The following PTPRS variants were observed in gnomAD, a reference collection of about 807,000 sequenced individuals.
PTPRS encodes protein tyrosine phosphatase receptor type S.
In PTPRS, 63 loss-of-function variants were observed where a neutral mutation model predicts 215.3. The ratio of observed to expected loss-of-function variants is 0.29; its 90% CI spans 0.24 to 0.36. The LOEUF is 0.36. Among genes scored for constraint, PTPRS ranks in the 10% least tolerant of loss-of-function variants. PTPRS has a pLI of 1.00. For synonymous variants in PTPRS, 1,404 were observed against 1,191.4 expected, an observed-to-expected ratio of 1.18 and a Z score of -3.68; for missense variants, 2,258 against 2,825.8, an observed-to-expected ratio of 0.80 and a Z score of 4.56.
At chr19:5,277,873 A>C in intron 2 of PTPRS, 1 of 975,856 alleles carries the variant, frequency 1.0e-6, no homozygotes, top group Non-Finnish European at 1.6e-6. Context: ...CAGGGTTCGC[A>C]GAACGTTCAA....
chr19:5,219,102 G>A, intron 23 of PTPRS: 1 of 707,844 alleles, frequency 1.4e-6, no homozygotes, highest in Non-Finnish European at 2.3e-6. Context: ...GTTAAGAGGA[G>A]AAGCCAAGCC....
rs1203036687 is a variant in PTPRS, at chr19:5,207,975, A to G, written c.5725T>C (p.Phe1909Leu). 1 of 1,614,116 alleles carries G rather than the reference A, an allele frequency of 6.2e-7. No homozygotes were observed. Among genetic ancestry groups the G allele is most frequent in the Non-Finnish European group, 8.5e-7 (1 of 1,180,030 alleles). Reference sequence around the variant, plus strand: ...GTTCGTAGCATCTTCACCGTCTGAAAGATGTCCACCACGCCTTCATACCGC... The same window carrying G: ...GTTCGTAGCATCTTCACCGTCTGAAGGATGTCCACCACGCCTTCATACCGC... Reference protein sequence around the residue: ...RMRYEGVVDIFQTVKMLRTQR... With the variant: ...RMRYEGVVDILQTVKMLRTQR... The change falls in exon 37 of 38, where the codon TTT becomes CTT. Residue 1909 changes from phenylalanine to leucine, a missense_variant. Phe to Leu is a conservative substitution (Grantham distance 22). This residue lies in a region of PTPRS where 89 missense variants were observed against 104.0 expected (regional missense o/e 0.86). Transcript: ENST00000262963.
At chr19:5,270,266 G>A (rs1018105428) in intron 4 of PTPRS, among the ~76,000 whole-genome samples, 7 of 152,050 alleles carry the variant, frequency 4.6e-5, no homozygotes, top group Non-Finnish European at 8.8e-5. Context: ...CCACAATAGC[G>A]AGCTTTTATC....
At chr19:5,335,228 G>A (rs1190846583) in intron 1 of PTPRS, among the ~76,000 whole-genome samples, 1 of 152,242 alleles carries the variant, frequency 6.6e-6, no homozygotes, top group Non-Finnish European at 1.5e-5. Context: ...AAGGAAGGAT[G>A]CATGCGACTG....
chr19:5,303,564 A>C (rs993542733), intron 1 of PTPRS, among the ~76,000 whole-genome samples: 4 of 152,034 alleles, frequency 2.6e-5, no homozygotes, highest in Non-Finnish European at 5.9e-5. Flanking sequence ...GAACGAACAC[A>C]CTAAGTTCTG....
chr19:5,318,884 G>C (rs1206986772), intron 1 of PTPRS, among the ~76,000 whole-genome samples: 1 of 152,140 alleles, frequency 6.6e-6, no homozygotes, highest in African/African-American at 2.4e-5. Context: ...TATTCCCCTT[G>C]AATTGCTAAG....
chr19:5,226,577 CAAAA>C (rs537275736), intron 16 of PTPRS, among the ~76,000 whole-genome samples: 2 of 106,352 alleles, frequency 1.9e-5, no homozygotes, highest in Admixed American at 1.9e-4. Context: ...CTAAAAATAC[CAAAA>C]AAAAAAAAAA....
chr19:5,291,641 G>C (rs1028632287), intron 1 of PTPRS, among the ~76,000 whole-genome samples: 2 of 152,014 alleles, frequency 1.3e-5, no homozygotes, highest in African/African-American at 4.8e-5. Flanking sequence ...CACTGCCTCA[G>C]GTCTCTGAGC....
chr19:5,219,684 A>C (rs2041806062), intron 22 of PTPRS, among the ~76,000 whole-genome samples: 1 of 152,124 alleles, frequency 6.6e-6, no homozygotes, highest in South Asian at 2.1e-4. Flanking sequence ...GTACCTCCAG[A>C]CCTTTGCACA....
At chr19:5,242,425 G>A (rs1019734332) in intron 11 of PTPRS, among the ~76,000 whole-genome samples, 1 of 152,028 alleles carries the variant, frequency 6.6e-6, no homozygotes, top group Non-Finnish European at 1.5e-5. Flanking sequence ...TGCCCAGGCT[G>A]GAGGGCAGTG....
intron 2 of PTPRS, chr19:5,278,005 A>C: frequency 7.9e-7 from 1 of 1,273,502 alleles, no homozygotes; most frequent in African/African-American, 1.5e-5. Flanking sequence ...CTGATGTGCA[A>C]CAAATCTCCC....
In PTPRS at chr19:5,290,465, G is replaced by A. The variant is rs569651916; in HGVS notation, c.-94-4231C>T. Among the ~76,000 whole-genome samples, 8 of 152,330 alleles carry A rather than the reference G, an allele frequency of 5.3e-5. No individual in the cohort carries two copies. In the South Asian group the frequency reaches 8.3e-4, roughly 16 times the overall value. ...TGGGCACTCATTCCAACCAGGCGCC[G>A]GGGCATGGGTCACGCGATCTGGGAG... is the stretch of plus-strand genomic sequence containing the variant. On this transcript the variant is annotated intron_variant, in intron 1 of 37. Transcript: ENST00000262963.
Position 5,212,391 on chromosome 19 carries a change from C to A in PTPRS, c.4715G>T (p.Arg1572Leu). 2 of 1,607,488 alleles carry A rather than the reference C, an allele frequency of 1.2e-6. No homozygotes were observed. Among genetic ancestry groups the A allele is most frequent in the East Asian group, 2.2e-5 (1 of 44,528 alleles). Residue 1572 changes from arginine (R) to leucine (L), a missense_variant, in exon 31 of 38, where the codon CGG becomes CTG. Arg to Leu is a moderately radical substitution (Grantham distance 102). This residue lies in a region of PTPRS where 927 missense variants were observed against 1,125.9 expected (regional missense o/e 0.82). Transcript: ENST00000262963. The stretch of plus-strand genomic sequence containing the variant: ...TGGCGGGTTGCAGGTCTTGACTCTC[C>A]GCAGGAAAGCCAGGAAGGGCGTTGG... ...EYPTPFLAFL[R>L]RVKTCNPPDA...
At chr19:5,306,515 T>C (rs1477345697) in intron 1 of PTPRS, among the ~76,000 whole-genome samples, 1 of 152,156 alleles carries the variant, frequency 6.6e-6, no homozygotes, top group Non-Finnish European at 1.5e-5. Context: ...ACATGACTTG[T>C]AACTACTGAG....
chr19:5,272,905 T>G (rs1053316388), intron 4 of PTPRS, among the ~76,000 whole-genome samples: 1 of 152,154 alleles, frequency 6.6e-6, no homozygotes, highest in African/African-American at 2.4e-5. Flanking sequence ...TGGCTCCAGG[T>G]AGGAGTCTAG....
At chr19:5,298,559 C>T (rs1254450552) in intron 1 of PTPRS, among the ~76,000 whole-genome samples, 1 of 152,252 alleles carries the variant, frequency 6.6e-6, no homozygotes, top group East Asian at 1.9e-4. Context: ...ATGCCCAAGG[C>T]TCCCGCCTCC....
At chr19:5,266,560 T>TTTTG (rs1349747547) in intron 4 of PTPRS, among the ~76,000 whole-genome samples, 20 of 151,978 alleles carry the variant, frequency 1.3e-4, no homozygotes, top group African/African-American at 4.8e-4. Context: ...AGAGAAGGGG[T>TTTTG]TTTGCCATGT....
At chr19:5,207,115 C>T (rs897741416) in intron 37 of PTPRS, among the ~76,000 whole-genome samples, 3 of 152,234 alleles carry the variant, frequency 2.0e-5, no homozygotes, top group African/African-American at 4.8e-5. Flanking sequence ...GACGGAGTCT[C>T]GCTGTGTTGC....
rs528642005 is a variant in PTPRS, at chr19:5,239,142, G to C, written c.1705-79C>G. ...CAGAAACAAAGGGGAGAGAGAGAGA[G>C]ACAGAAACAGAGGGGGGAGGGGGAG... On this transcript the variant is annotated intron_variant, in intron 12 of 37. Transcript: ENST00000262963. The C allele has an allele frequency of 5.8e-5, 55 of 950,792 alleles. No homozygotes were observed. The East Asian group carries it at 1.5e-3, about 26-fold the overall frequency. The allele number at this position is 950,792 out of a possible 1,614,324, so 58.9% of individuals were successfully genotyped here. A position where few individuals can be genotyped will look rare whatever the true frequency, so the allele number is the denominator to read the frequency against.
Sources: gnomAD v4.1 joint callset for allele counts (sites outside exome capture counted in the v4.1 genomes callset) on GRCh38, gnomAD v4.1.1 for gene constraint, gnomAD v4.1.1 regional missense constraint, MANE v1.5 for transcripts, NCBI Gene and HGNC (gene_info 2026-07-23, HGNC 2026-07-21) for gene names.